The following WDFY3 variants were observed in gnomAD, a reference collection of about 807,000 sequenced individuals.
WDFY3 encodes WD repeat and FYVE domain containing 3, also known as WD repeat and FYVE domain-containing protein 3.
WDFY3 carries 66 observed loss-of-function variants against 409.6 expected under a neutral mutation model. The observed-to-expected ratio is 0.16, with a 90% CI of 0.13 to 0.20. WDFY3 has a LOEUF of 0.20. Among genes scored for constraint, WDFY3 ranks in the 10% least tolerant of loss-of-function variants. The pLI is 1.00. For synonymous variants in WDFY3, 1,521 were observed against 1,537.1 expected, an observed-to-expected ratio of 0.99 and a Z score of 0.25; for missense variants, 3,031 against 4,298.1, an observed-to-expected ratio of 0.71 and a Z score of 8.24.
At chr4:84,850,867 A>G (rs1255498045) in intron 4 of WDFY3, among the ~76,000 whole-genome samples, 2 of 150,454 alleles carry the variant, frequency 1.3e-5, no homozygotes, top group Admixed American at 6.7e-5. Context: ...TTGTTTTTAC[A>G]CAAATTTTAA....
At chr4:84,709,119 C>G in intron 52 of WDFY3, 91 bp from the exon 53 acceptor site, 3 of 1,521,938 alleles carry the variant, frequency 2.0e-6, no homozygotes, top group Non-Finnish European at 2.7e-6. Flanking sequence ...ATGTAAAGGA[C>G]AGTTTCTTTT....
At chr4:84,683,690 TTGAC>T (rs1727802645) in intron 63 of WDFY3, among the ~76,000 whole-genome samples, 1 of 152,194 alleles carries the variant, frequency 6.6e-6, no homozygotes, top group Non-Finnish European at 1.5e-5. Flanking sequence ...GGAATCATGT[TTGAC>T]TGACCTCACT....
rs773805235 is a variant in WDFY3 at position 84,691,670 on chromosome 4, T to C, written c.9165A>G (p.Ala3055=). 2.4e-5 allele frequency: 39 copies of C among 1,613,920 alleles called. No individual in the cohort carries two copies. In the Middle Eastern group the frequency reaches 4.9e-4, roughly 20 times the overall value. The change falls in exon 60 of 68, where the codon GCA becomes GCG. Residue 3055 remains alanine (A), a synonymous_variant. Transcript: ENST00000295888. ...AGGTTCCCAGTCTGCAACTGAGGTCTGCATAGCCCCAAGCAAAAGTTTTAT... is the reference window on the plus strand; with the variant it reads ...AGGTTCCCAGTCTGCAACTGAGGTCCGCATAGCCCCAAGCAAAAGTTTTAT... The part of the protein sequence containing the change: ...TWNKTFAWGY[A]DLSCRLGTYE...
At chr4:84,702,542 C>A in intron 55 of WDFY3, 36 bp from the exon 56 acceptor site, 5 of 1,503,596 alleles carry the variant, frequency 3.3e-6, no homozygotes, top group Non-Finnish European at 4.4e-6. Context: ...TATTAGAGAA[C>A]CGTTCCCACC....
chr4:84,861,696 C>A (rs1473549043), intron 3 of WDFY3, among the ~76,000 whole-genome samples: 1 of 152,172 alleles, frequency 6.6e-6, no homozygotes, highest in Non-Finnish European at 1.5e-5. Flanking sequence ...AGGTGTATTA[C>A]TGTGTACTGA....
chr4:84,919,770 G>A (rs528415371), intron 2 of WDFY3, among the ~76,000 whole-genome samples: 1 of 152,242 alleles, frequency 6.6e-6, no homozygotes, highest in East Asian at 1.9e-4. Context: ...CCAGCCATGT[G>A]GAACTGTGAG....
chr4:84,916,808 CAAA>C (rs996025668), intron 2 of WDFY3, among the ~76,000 whole-genome samples: 1 of 152,102 alleles, frequency 6.6e-6, no homozygotes, highest in African/African-American at 2.4e-5. Flanking sequence ...GTAGTACAGA[CAAA>C]ATTCCATTAA....
At chr4:84,687,185 C>T (rs1728472403) in intron 62 of WDFY3, among the ~76,000 whole-genome samples, 1 of 152,154 alleles carries the variant, frequency 6.6e-6, no homozygotes, top group African/African-American at 2.4e-5. Context: ...ACTCTATTGT[C>T]CAGGCTGGAG....
intron 63 of WDFY3, among the ~76,000 whole-genome samples, chr4:84,683,714 T>C (rs1436103829): frequency 6.6e-6 from 1 of 152,200 alleles, no homozygotes; most frequent in African/African-American, 2.4e-5. Context: ...TGTGTCAAGC[T>C]GTCAAATGGC....
intron 13 of WDFY3, among the ~76,000 whole-genome samples, chr4:84,815,370 G>T (rs932170760): frequency 2.0e-5 from 3 of 151,932 alleles, no homozygotes; most frequent in Non-Finnish European, 4.4e-5. Flanking sequence ...TCAAAAAAAG[G>T]AATTCTCTTA....
In WDFY3 at chr4:84,775,689, A is replaced by G. The variant is rs1162857484; in HGVS notation, c.4519-551T>C. On this transcript the variant is annotated intron_variant, in intron 27 of 67. Transcript: ENST00000295888. The stretch of plus-strand genomic sequence containing the variant: ...TGTCCAGAAAAGGGAAGGGAGTGGC[A>G]GGAAAAATCATTGAAGAAATAATGG... Among the ~76,000 whole-genome samples, 3 of 151,844 alleles carry G rather than the reference A, an allele frequency of 2.0e-5. No homozygotes were observed. The East Asian group carries it at 5.8e-4, about 29-fold the overall frequency.
chr4:84,714,723 G>A (rs947284642), intron 50 of WDFY3, among the ~76,000 whole-genome samples: 2 of 152,008 alleles, frequency 1.3e-5, no homozygotes, highest in African/African-American at 4.8e-5. Context: ...GGCCGAGGTG[G>A]GCAGATCACA....
chr4:84,910,808 C>T (rs1280334789), intron 2 of WDFY3, among the ~76,000 whole-genome samples: 4 of 151,976 alleles, frequency 2.6e-5, no homozygotes, highest in Admixed American at 1.3e-4. Context: ...CAGGTTAAAG[C>T]GATTCTCCTG....
intron 1 of WDFY3, among the ~76,000 whole-genome samples, chr4:84,942,236 AC>A (rs918928469): frequency 6.6e-6 from 1 of 152,076 alleles, no homozygotes; most frequent in Admixed American, 6.5e-5. Context: ...TCTTCAAAAC[AC>A]AGTGTTATAA....
chr4:84,872,935 G>T (rs1379147349), intron 3 of WDFY3, among the ~76,000 whole-genome samples: 1 of 152,068 alleles, frequency 6.6e-6, no homozygotes, highest in Non-Finnish European at 1.5e-5. Context: ...TAGTATCAGG[G>T]ATAAAAAGAG....
chr4:84,675,197 C>T (rs748283964), intron 67 of WDFY3, among the ~76,000 whole-genome samples: 10 of 152,020 alleles, frequency 6.6e-5, no homozygotes, highest in Middle Eastern at 3.2e-3. Flanking sequence ...CTCAGGTGAT[C>T]AGCCCACCTC....
In WDFY3 at chr4:84,678,129, T is replaced by C. The variant is rs757028433; in HGVS notation, c.10259+39A>G. The C allele has an allele frequency of 3.9e-6, 6 of 1,529,840 alleles. 1 individual carries two copies. The Admixed American group carries it at 1.0e-4, about 26-fold the overall frequency. The allele number at this position is 1,529,840 out of a possible 1,614,324, so 94.8% of individuals were successfully genotyped here. A position where few individuals can be genotyped will look rare whatever the true frequency, so the allele number is the denominator to read the frequency against. Reference sequence around the variant, plus strand: ...TGTGGCCCTTGGCTAACCAAATGACTCAGATGGGAAGCGGAGCTGGAAAAA... The same window carrying C: ...TGTGGCCCTTGGCTAACCAAATGACCCAGATGGGAAGCGGAGCTGGAAAAA... On this transcript the variant is annotated intron_variant, in intron 66 of 67. Transcript: ENST00000295888.
intron 57 of WDFY3, 29 bp from the exon 58 acceptor site, chr4:84,696,211 T>A: frequency 6.2e-7 from 1 of 1,605,588 alleles, no homozygotes; most frequent in South Asian, 1.1e-5. Flanking sequence ...GTTTAGTCAC[T>A]GGCTGACTTC....
At chr4:84,798,677 C>T (rs1315707757) in intron 17 of WDFY3, among the ~76,000 whole-genome samples, 1 of 152,126 alleles carries the variant, frequency 6.6e-6, no homozygotes, top group Non-Finnish European at 1.5e-5. Context: ...GCTATTTCTA[C>T]TCATAAAAAT....
Sources: allele counts gnomAD v4.1 joint callset (sites outside exome capture counted in the v4.1 genomes callset), GRCh38; gene constraint gnomAD v4.1.1; transcripts MANE v1.5; gene names NCBI Gene and HGNC (gene_info 2026-07-23, HGNC 2026-07-21).